CTHRC1: variants seen among roughly 807,000 people sequenced by gnomAD.
CTHRC1 encodes the protein collagen triple helix repeat-containing protein 1.
CTHRC1 carries 21 observed loss-of-function variants against 25.9 expected under a neutral mutation model. The ratio of observed to expected loss-of-function variants is 0.81; its 90% CI spans 0.57 to 1.17. The LOEUF (loss-of-function observed/expected upper bound fraction) is 1.17. CTHRC1 is among the 50% of genes most tolerant of loss of function. The probability of loss-of-function intolerance (pLI) is 0.00; values close to 1 mark genes in which losing one functional copy is unlikely to be tolerated. For synonymous variants in CTHRC1, 109 were observed against 113.1 expected (o/e 0.96, Z 0.23); for missense variants, 281 against 304.3 (o/e 0.92, Z 0.57).
At chr8:103,380,437 T>C (rs1157473572) in intron 3 of CTHRC1, among the ~76,000 whole-genome samples, 1 of 152,216 alleles carries the variant, frequency 6.6e-6, no homozygotes, top group Admixed American at 6.5e-5. Context: ...TTTTCTGACA[T>C]ACTGATAGTC....
chr8:103,372,598 C>CTGGAAATGGAAATGAAATGGAAATGGA, intron 1 of CTHRC1: 1 of 1,598,300 alleles, frequency 6.3e-7, no homozygotes, highest in South Asian at 1.1e-5. Context: ...CGGGAGAAAA[C>CTGGAAATGGAAATGAAATGGAAATGGA]AGTTTCCAGG....
intron 1 of CTHRC1, among the ~76,000 whole-genome samples, chr8:103,374,753 A>G (rs1356619685): frequency 6.6e-6 from 1 of 152,232 alleles, no homozygotes; most frequent in Non-Finnish European, 1.5e-5. Flanking sequence ...TGTTCTAAGC[A>G]CATTTTATAT....
intron 2 of CTHRC1, 46 bp downstream of exon 2, chr8:103,376,005 C>A: frequency 6.9e-7 from 1 of 1,441,748 alleles, no homozygotes; most frequent in Non-Finnish European, 9.6e-7. Flanking sequence ...TAAGGGTTTT[C>A]ATATTTTAGT....
At position 103,378,343 on chromosome 8, in the gene CTHRC1, C is replaced by T. The variant is rs528377216; in HGVS notation, c.589+100C>T. ...GGTTCACTAGCCTACTGTAAAGGGA[C>T]CTCTAGCAAGTTTTCAATGCATGAT... On this transcript the variant is annotated intron_variant, in intron 3 of 3. Transcript: ENST00000330295. 2.7e-5 allele frequency: 25 copies of T among 942,436 alleles called. No homozygotes were observed. In the East Asian group the frequency reaches 5.4e-4, roughly 20 times the overall value. The allele number at this position is 942,436 out of a possible 1,614,324, so 58.4% of individuals were successfully genotyped here. A position where few individuals can be genotyped will look rare whatever the true frequency, so the allele number is the denominator to read the frequency against.
intron 3 of CTHRC1, among the ~76,000 whole-genome samples, chr8:103,379,988 C>T (rs899101116): frequency 2.6e-5 from 4 of 152,176 alleles, no homozygotes; most frequent in Non-Finnish European, 4.4e-5. Flanking sequence ...CAGAAACCAA[C>T]GCCCTGTTCT....
chr8:103,374,604 C>A (rs7839421), intron 1 of CTHRC1, among the ~76,000 whole-genome samples: 3 of 152,088 alleles, frequency 2.0e-5, no homozygotes, highest in Admixed American at 6.5e-5. Flanking sequence ...TGCTAATGCT[C>A]TCTTCCCCAG....
chr8:103,371,775 C>T lies in CTHRC1; in HGVS notation c.119C>T (p.Ala40Val). The T allele has an allele frequency of 1.3e-6, 2 of 1,534,180 alleles. No individual in the cohort carries two copies. Among genetic ancestry groups the T allele is most frequent in the Non-Finnish European group, 1.8e-6 (2 of 1,140,092 alleles). ...ASEIPKGKQK[A>V]QLRQREVVDL... ...GAGATCCCCAAGGGGAAGCAAAAGG[C>T]GCAGCTCCGGCAGAGGGAGGTGGTG... The change falls in exon 1 of 4, where the codon GCG becomes GTG. Residue 40 changes from alanine (A) to valine (V), a missense_variant. Ala to Val is a moderately conservative substitution (Grantham distance 64). Transcript: ENST00000330295.
intron 3 of CTHRC1, among the ~76,000 whole-genome samples, chr8:103,378,701 T>C (rs1273950650): frequency 6.6e-6 from 1 of 152,172 alleles, no homozygotes; most frequent in Non-Finnish European, 1.5e-5. Context: ...GGGTGCAGAC[T>C]TGGCAATGGG....
At chr8:103,378,314 T>A in intron 3 of CTHRC1, 71 bp downstream of exon 3, 1 of 1,271,358 alleles carries the variant, frequency 7.9e-7, no homozygotes, top group Non-Finnish European at 1.1e-6. Flanking sequence ...CCCACTATCA[T>A]GTTGGTTCAC....
At position 103,371,627 on chromosome 8, in the gene CTHRC1, C is replaced by T; in HGVS notation, c.-30C>T. On this transcript the variant is annotated 5_prime_UTR_variant, in exon 1 of 4. Transcript: ENST00000330295. Reference sequence around the variant, plus strand: ...TCCTCTCCTCGGTCTCCTCCGCCTCCAGCTCCGCGCTGCCCGGCAGCCGGG... The same window carrying T: ...TCCTCTCCTCGGTCTCCTCCGCCTCTAGCTCCGCGCTGCCCGGCAGCCGGG... The T allele has an allele frequency of 6.5e-7, 1 of 1,528,654 alleles. No homozygotes were observed. Among genetic ancestry groups the T allele is most frequent in the Non-Finnish European group, 8.8e-7 (1 of 1,139,538 alleles). 94.7% of individuals were successfully genotyped at this position (1,528,654 alleles called of 1,614,324 possible).
chr8:103,371,840 G>T (rs1815710434), intron 1 of CTHRC1, 34 bp downstream of exon 1: 1 of 1,474,744 alleles, frequency 6.8e-7, no homozygotes, highest in Non-Finnish European at 9.0e-7. Context: ...GGACCGCCGC[G>T]CTGGTGGAGG....
Position 103,378,139 on chromosome 8 carries a change from A to G in CTHRC1, c.485A>G (p.Asn162Ser). 6.2e-7 allele frequency: 1 copy of G among 1,613,784 alleles called. No individual in the cohort carries two copies. The highest frequency in any genetic ancestry group is 8.5e-7 in the Non-Finnish European group (1 of 1,179,622). Residue 162 changes from asparagine (N) to serine (S), a missense_variant, in exon 3 of 4, where the codon AAT (asparagine) becomes AGT (serine). By Grantham distance (46) the Asn-to-Ser change is conservative (BLOSUM62 1). Coordinates refer to ENST00000330295, the MANE Select transcript of CTHRC1 (RefSeq NM_138455.4). ...TGTCAGCGTTGGTATTTCACATTCA[A>G]TGGAGCTGAATGTTCAGGACCTCTT... ...ACCQRWYFTF[N>S]GAECSGPLPI...
At chr8:103,377,467 A>T (rs1423632547) in intron 2 of CTHRC1, 1 of 155,240 alleles carries the variant, frequency 6.4e-6, no homozygotes, top group Non-Finnish European at 1.4e-5. Flanking sequence ...TTTTTTGATA[A>T]AACTGAAAGA....
rs1815937297 is a variant in CTHRC1 at position 103,382,786 on chromosome 8, G to C, written c.*186G>C. ...TATTCATTTTGCTTCAATCAAAAGT[G>C]GTTTCAATATTTTTTTTAGTTGGTT... On this transcript the variant is annotated 3_prime_UTR_variant, in exon 4 of 4. Transcript: ENST00000330295. 1.6e-6 allele frequency: 1 copy of C among 626,086 alleles called. No homozygotes were observed. The highest frequency in any genetic ancestry group is 2.7e-5 in the Admixed American group (1 of 37,192). The allele number at this position is 626,086 out of a possible 1,614,324, so 38.8% of individuals were successfully genotyped here. A position where few individuals can be genotyped will look rare whatever the true frequency, so the allele number is the denominator to read the frequency against.
intron 3 of CTHRC1, among the ~76,000 whole-genome samples, chr8:103,381,102 T>G (rs1164250317): frequency 6.6e-6 from 1 of 152,024 alleles, no homozygotes; most frequent in Non-Finnish European, 1.5e-5. Flanking sequence ...TTCTTTAGTA[T>G]TATTATTATT....
chr8:103,373,175 C>T (rs535778380), intron 1 of CTHRC1, among the ~76,000 whole-genome samples: 2 of 152,290 alleles, frequency 1.3e-5, no homozygotes, highest in South Asian at 2.1e-4. Context: ...TATTTTCCCC[C>T]CTTCAAGGAT....
At chr8:103,374,492 G>T (rs7836218) in intron 1 of CTHRC1, among the ~76,000 whole-genome samples, 3,473 of 152,274 alleles carry the variant, frequency 0.023, 136 homozygotes, top group African/African-American at 0.08. Context: ...ACCAATTCAG[G>T]TGTAGACACA....
At position 103,371,734 on chromosome 8, in the gene CTHRC1, G is replaced by A. The variant is rs970571777; in HGVS notation, c.78G>A (p.Ala26=). 12 of 1,535,158 alleles carry A rather than the reference G, an allele frequency of 7.8e-6. No individual in the cohort carries two copies. The highest frequency in any genetic ancestry group is 2.0e-5 in the Admixed American group (1 of 49,940). The change falls in exon 1 of 4, where the codon GCG becomes GCA. Residue 26 remains alanine (A), a synonymous_variant. Transcript: ENST00000330295. The part of the protein sequence containing the change: ...LLLLLLLQLP[A]PSSASEIPKG... ...TGCTCCTGCTGCTGCAGCTGCCCGCGCCGTCGAGCGCCTCTGAGATCCCCA... is the reference window on the plus strand; with the variant it reads ...TGCTCCTGCTGCTGCAGCTGCCCGCACCGTCGAGCGCCTCTGAGATCCCCA...
Position 103,378,035 on chromosome 8 carries a change from A to C in CTHRC1, c.381A>C (p.Thr127=), listed in dbSNP as rs1197204928. The C allele has an allele frequency of 1.2e-6, 2 of 1,612,982 alleles. No individual in the cohort carries two copies. The highest frequency in any genetic ancestry group is 4.5e-5 in the East Asian group (2 of 44,876). The stretch of plus-strand genomic sequence containing the variant: ...TTCTATGTTTGTGACAGGAGTGTAC[A>C]TTTACAAAGATGCGTTCAAATAGTG... The part of the protein sequence containing the change: ...GIDLGKIAEC[T]FTKMRSNSAL... Residue 127 remains threonine, a synonymous_variant, in exon 3 of 4, where the codon ACA becomes ACC. Transcript: ENST00000330295.
Sources: allele counts gnomAD v4.1 joint callset (sites outside exome capture counted in the v4.1 genomes callset), GRCh38; gene constraint gnomAD v4.1.1; transcripts MANE v1.5; gene names NCBI Gene and HGNC (gene_info 2026-07-23, HGNC 2026-07-21).